RAB38: variants seen among roughly 807,000 people sequenced by gnomAD.
RAB38 encodes the protein RAB38, member RAS oncogene family.
In RAB38, 15 loss-of-function variants were observed where a neutral mutation model predicts 18.4. That is an observed-to-expected ratio of 0.82 (90% CI 0.55 to 1.26). The LOEUF (loss-of-function observed/expected upper bound fraction) is 1.26, where lower values mean the gene tolerates loss of function less well. Among genes scored for constraint, RAB38 ranks in the 50% most tolerant of loss-of-function variants. The probability of loss-of-function intolerance (pLI) is 0.00; values close to 1 mark genes in which losing one functional copy is unlikely to be tolerated. For synonymous variants in RAB38, 101 were observed against 104.4 expected (o/e 0.97, Z 0.20); for missense variants, 294 against 267.4 (o/e 1.10, Z -0.69).
At chr11:88,107,432 ATAG>A in the RAB38 span, among the ~76,000 whole-genome samples, 258 of 152,286 alleles carry the variant, frequency 1.7e-3, no homozygotes, top group African/African-American at 6.0e-3. Context: ...AAAAATAAGC[ATAG>A]TAGTATCATA....
At chr11:88,128,513 C>T (rs540386937) in intron 2 of RAB38, among the ~76,000 whole-genome samples, 10 of 152,282 alleles carry the variant, frequency 6.6e-5, no homozygotes, top group Non-Finnish European at 1.3e-4. Context: ...GGGTAGCTCC[C>T]AGGAGTAACA....
the RAB38 span, among the ~76,000 whole-genome samples, chr11:88,014,406 T>C: frequency 2.6e-5 from 4 of 152,142 alleles, no homozygotes; most frequent in Admixed American, 2.6e-4. Flanking sequence ...TTACTTGTTT[T>C]ACAATACAAC....
chr11:88,118,841 G>T (rs1294100074), intron 2 of RAB38, among the ~76,000 whole-genome samples: 2 of 152,170 alleles, frequency 1.3e-5, no homozygotes, highest in East Asian at 3.8e-4. Flanking sequence ...AACAAATGGA[G>T]TTAATTAAGC....
the RAB38 span, among the ~76,000 whole-genome samples, chr11:88,026,398 C>CT: frequency 1.3e-5 from 2 of 150,962 alleles, no homozygotes; most frequent in African/African-American, 4.9e-5. Flanking sequence ...CCCGTCTCCA[C>CT]TAAAAAAACA....
At chr11:88,080,933 G>A in the RAB38 span, among the ~76,000 whole-genome samples, 1 of 151,386 alleles carries the variant, frequency 6.6e-6, no homozygotes, top group Non-Finnish European at 1.5e-5. Context: ...AGATAACAAA[G>A]CCATCTTAAA....
At chr11:87,860,089 T>C in the RAB38 span, among the ~76,000 whole-genome samples, 1 of 151,988 alleles carries the variant, frequency 6.6e-6, no homozygotes. Context: ...GAGGAGATTC[T>C]AACAAAGGTG....
chr11:87,895,437 G>A, the RAB38 span, among the ~76,000 whole-genome samples: 3 of 151,754 alleles, frequency 2.0e-5, no homozygotes, highest in South Asian at 6.2e-4. Context: ...TTGCTTTGGA[G>A]AGCAAGAGAA....
At chr11:88,167,726 G>C (rs1169813049) in intron 1 of RAB38, 1 of 152,084 alleles carries the variant, frequency 6.6e-6, no homozygotes, top group East Asian at 1.9e-4. Flanking sequence ...TTAAATTCCT[G>C]AACAGCTGAA....
At chr11:88,012,118 T>A in the RAB38 span, among the ~76,000 whole-genome samples, 1 of 152,272 alleles carries the variant, frequency 6.6e-6, no homozygotes, top group African/African-American at 2.4e-5. Context: ...TTTTGCTCTC[T>A]GGGCCTCATC....
the RAB38 span, among the ~76,000 whole-genome samples, chr11:87,969,558 A>G: frequency 1.2e-4 from 19 of 152,296 alleles, no homozygotes; most frequent in South Asian, 3.7e-3. Context: ...AACTACTATT[A>G]TTCAATTATC....
At chr11:88,031,971 T>C in the RAB38 span, among the ~76,000 whole-genome samples, 4 of 151,116 alleles carry the variant, frequency 2.6e-5, no homozygotes, top group African/African-American at 9.7e-5. Flanking sequence ...ACTACCTGAC[T>C]TCAAACTATA....
At chr11:87,973,223 T>C in the RAB38 span, among the ~76,000 whole-genome samples, 1 of 152,050 alleles carries the variant, frequency 6.6e-6, no homozygotes, top group African/African-American at 2.4e-5. Context: ...CAAATGATCA[T>C]TTATACCTCC....
the RAB38 span, among the ~76,000 whole-genome samples, chr11:88,007,611 A>G: frequency 6.3e-3 from 960 of 152,214 alleles, 9 homozygotes; most frequent in African/African-American, 0.022. Flanking sequence ...TGTCAGATAC[A>G]TAACAACAAG....
At chr11:88,172,798 C>G (rs528021027) in intron 1 of RAB38, among the ~76,000 whole-genome samples, 1 of 152,344 alleles carries the variant, frequency 6.6e-6, no homozygotes, top group South Asian at 2.1e-4. Flanking sequence ...CATGTTCCAA[C>G]CATTTCCTAC....
chr11:88,021,294 G>A, the RAB38 span, among the ~76,000 whole-genome samples: 2 of 152,096 alleles, frequency 1.3e-5, no homozygotes, highest in East Asian at 3.9e-4. Flanking sequence ...GATCATTAGT[G>A]GCTGCTGTCA....
the RAB38 span, among the ~76,000 whole-genome samples, chr11:88,069,461 CA>C: frequency 6.6e-6 from 1 of 152,234 alleles, no homozygotes; most frequent in African/African-American, 2.4e-5. Flanking sequence ...CGGGCAGCTC[CA>C]ACCACGGCCC....
At chr11:87,940,151 T>C in the RAB38 span, among the ~76,000 whole-genome samples, 1 of 143,912 alleles carries the variant, frequency 6.9e-6, no homozygotes, top group Non-Finnish European at 1.5e-5. Context: ...AGATTGGACA[T>C]TTACCCAGAT....
chr11:87,816,118 C>T, the RAB38 span: 1 of 152,176 alleles, frequency 6.6e-6, no homozygotes, highest in South Asian at 2.1e-4. Flanking sequence ...AGTAGTTGAT[C>T]ATTTTTATTA....
the RAB38 span, among the ~76,000 whole-genome samples, chr11:88,076,101 A>C: frequency 6.6e-6 from 1 of 151,732 alleles, no homozygotes; most frequent in Non-Finnish European, 1.5e-5. Flanking sequence ...GAGAGAAAAG[A>C]TACAAATAAA....
Sources: allele counts gnomAD v4.1 joint callset (sites outside exome capture counted in the v4.1 genomes callset), GRCh38; gene constraint gnomAD v4.1.1; transcripts MANE v1.5; gene names NCBI Gene and HGNC (gene_info 2026-07-23, HGNC 2026-07-21).